RRP7A: variants seen among roughly 807,000 people sequenced by gnomAD.
The protein encoded by RRP7A is ribosomal RNA processing 7 homolog A.
In RRP7A, 27 loss-of-function variants were observed where a neutral mutation model predicts 38.4. The observed-to-expected ratio is 0.70, with a 90% CI of 0.52 to 0.97. The LOEUF is 0.97. Ranked by LOEUF, RRP7A falls within the 50% of genes least tolerant of loss-of-function variation. The pLI is 0.00. For missense variants in RRP7A, 327 were observed against 375.4 expected, an observed-to-expected ratio of 0.87 and a Z score of 1.07; for synonymous variants, 124 against 150.3, an observed-to-expected ratio of 0.83 and a Z score of 1.28.
At chr22:42,514,333 T>C (rs759713277) in intron 5 of RRP7A, 29 bp from the exon 6 acceptor site, 3 of 1,492,658 alleles carry the variant, frequency 2.0e-6, no homozygotes, top group African/African-American at 1.4e-5. Context: ...CATCCTCCGG[T>C]GGGACCTCCT....
At chr22:42,516,830 C>T (rs1446405563) in intron 2 of RRP7A, among the ~76,000 whole-genome samples, 1 of 152,182 alleles carries the variant, frequency 6.6e-6, no homozygotes, top group African/African-American at 2.4e-5. Context: ...TGGGATGCAG[C>T]GAGCTGGACA....
chr22:42,509,959 G>A lies in RRP7A; in HGVS notation c.*2951C>T, dbSNP rs1932401669. On this transcript the variant is annotated 3_prime_UTR_variant, in exon 7 of 7. Coordinates refer to ENST00000323013, the MANE Select transcript of RRP7A (RefSeq NM_015703.5). ...TCAATGTATTAAAAACCACGGGATTGTAGACTTTTTTTTTTTTTTTTTTGA... is the reference window on the plus strand; with the variant it reads ...TCAATGTATTAAAAACCACGGGATTATAGACTTTTTTTTTTTTTTTTTTGA... 7.4e-6 allele frequency: 1 copy of A among 134,646 alleles called. No homozygotes were observed. Among genetic ancestry groups the A allele is most frequent in the Non-Finnish European group, 1.5e-5 (1 of 64,872 alleles). 8.3% of individuals were successfully genotyped at this position (134,646 alleles called of 1,614,324 possible). A position where few individuals can be genotyped will look rare whatever the true frequency, so the allele number is the denominator to read the frequency against.
chr22:42,514,622 G>A (rs1422031275), intron 5 of RRP7A, 60 bp downstream of exon 5: 11 of 1,434,062 alleles, frequency 7.7e-6, no homozygotes, highest in South Asian at 2.4e-5. Flanking sequence ...CCTCTGGGGC[G>A]CCACCTTCCC....
rs1287024030 is a variant in RRP7A at position 42,514,003 on chromosome 22, G to C, written c.757+103C>G. On this transcript the variant is annotated intron_variant, in intron 6 of 6. Coordinates refer to ENST00000323013, the MANE Select transcript of RRP7A (RefSeq NM_015703.5). ...GTGCTTAGGGACGCCCTCCCTCCTCGACCACCAAGTCCAGCGCCCGCCCTC... is the reference window on the plus strand; with the variant it reads ...GTGCTTAGGGACGCCCTCCCTCCTCCACCACCAAGTCCAGCGCCCGCCCTC... The C allele has an allele frequency of 6.9e-6, 7 of 1,013,874 alleles. No individual in the cohort carries two copies. In the East Asian group the frequency reaches 1.8e-4, roughly 26 times the overall value. 62.8% of individuals were successfully genotyped at this position (1,013,874 alleles called of 1,614,324 possible).
In RRP7A at chr22:42,519,748, C is replaced by G. The variant is rs1265781588; in HGVS notation, c.39G>C (p.Pro13=). ...CCAGTGGGCTGGGGATACGGTCCTC[C>G]GGGTCCCGCGCGGCGCACTTCCTCC... ...ARRRKCAARD[P]EDRIPSPLGY... is the part of the protein sequence containing the mutation. Residue 13 remains proline, a synonymous_variant, in exon 1 of 7, where the codon CCG becomes CCC. Coordinates refer to ENST00000323013, the MANE Select transcript of RRP7A (RefSeq NM_015703.5). 6.9e-7 allele frequency: 1 copy of G among 1,455,926 alleles called. No homozygotes were observed. Among genetic ancestry groups the G allele is most frequent in the South Asian group, 1.3e-5 (1 of 75,566 alleles). The allele number at this position is 1,455,926 out of a possible 1,614,324, so 90.2% of individuals were successfully genotyped here. A position where few individuals can be genotyped will look rare whatever the true frequency, so the allele number is the denominator to read the frequency against.
intron 1 of RRP7A, among the ~76,000 whole-genome samples, chr22:42,518,416 C>G (rs1237610172): frequency 9.9e-5 from 15 of 151,472 alleles, no homozygotes; most frequent in Admixed American, 9.2e-4. Flanking sequence ...GAGGGAAGCT[C>G]GAACCCTGCG....
rs1833644566 is a variant in RRP7A, at chr22:42,512,788, G to A, written c.*122C>T. ...TGTGTGGACTCTGATGGGGCTGTTGGACGCGGTGGCCTTCAACCTGGGGCC... is the reference window on the plus strand; with the variant it reads ...TGTGTGGACTCTGATGGGGCTGTTGAACGCGGTGGCCTTCAACCTGGGGCC... On this transcript the variant is annotated 3_prime_UTR_variant, in exon 7 of 7. Transcript: ENST00000323013. The A allele has an allele frequency of 6.2e-6, 6 of 972,180 alleles. No individual in the cohort carries two copies. In the Admixed American group the frequency reaches 1.2e-4, roughly 20 times the overall value. 60.2% of individuals were successfully genotyped at this position (972,180 alleles called of 1,614,324 possible).
At position 42,514,126 on chromosome 22, in the gene RRP7A, T is replaced by G; in HGVS notation, c.737A>C (p.His246Pro). The change falls in exon 6 of 7, where the codon CAT (histidine) becomes CCT (proline). Residue 246 changes from histidine to proline, a missense_variant. By Grantham distance (77) the His-to-Pro change is moderately conservative. Coordinates refer to ENST00000323013, the MANE Select transcript of RRP7A (RefSeq NM_015703.5). ...CTTACGCTCCATCTTGCTCTCTCGA[T>G]GCTGCCAGGCGTAGAAGTTGAGCAG... ...KELLNFYAWQ[H>P]RESKMEHLAQ... 2 of 1,613,290 alleles carry G rather than the reference T, an allele frequency of 1.2e-6. No homozygotes were observed.
In RRP7A at chr22:42,509,435, C is replaced by T. The variant is rs1415268854; in HGVS notation, c.*3475G>A. On this transcript the variant is annotated 3_prime_UTR_variant, in exon 7 of 7. Transcript: ENST00000323013. Reference sequence around the variant, plus strand: ...GCAACCTCTGCCTCCTGGATTCAAACGATTCTCCTGCCTCAGCCTCCCGAG... The same window carrying T: ...GCAACCTCTGCCTCCTGGATTCAAATGATTCTCCTGCCTCAGCCTCCCGAG... Among the ~76,000 whole-genome samples the T allele has an allele frequency of 3.3e-5, 5 of 150,780 alleles. No individual in the cohort carries two copies. Among genetic ancestry groups the T allele is most frequent in the South Asian group, 2.1e-4 (1 of 4,814 alleles).
chr22:42,510,119 C>G lies in RRP7A; in HGVS notation c.*2791G>C, dbSNP rs1601802624. ...AGCTGGGACTACAGGCACCCACCACCAAGCCCGGCTAATTTTTGTATTTTT... is the reference window on the plus strand; with the variant it reads ...AGCTGGGACTACAGGCACCCACCACGAAGCCCGGCTAATTTTTGTATTTTT... On this transcript the variant is annotated 3_prime_UTR_variant, in exon 7 of 7. Coordinates refer to ENST00000323013, the MANE Select transcript of RRP7A (RefSeq NM_015703.5). The G allele has an allele frequency of 6.6e-6, 1 of 152,270 alleles. No homozygotes were observed. The allele number at this position is 152,270 out of a possible 1,614,324, so 9.4% of individuals were successfully genotyped here.
Position 42,512,638 on chromosome 22 carries a change from G to T in RRP7A, c.*272C>A, listed in dbSNP as rs1365930574. The stretch of plus-strand genomic sequence containing the variant: ...GGAAGCACAGAACGGATTCATCCAG[G>T]GTCCTGGAGAGGAGGGTGTGGAGGC... On this transcript the variant is annotated 3_prime_UTR_variant, in exon 7 of 7. Transcript: ENST00000323013. The T allele has an allele frequency of 5.2e-6, 3 of 581,344 alleles. No homozygotes were observed. Among genetic ancestry groups the T allele is most frequent in the Non-Finnish European group, 9.2e-6 (3 of 324,712 alleles). The allele number at this position is 581,344 out of a possible 1,614,324, so 36.0% of individuals were successfully genotyped here.
In RRP7A at chr22:42,512,854, C is replaced by T; in HGVS notation, c.*56G>A. 1.3e-6 allele frequency: 2 copies of T among 1,564,236 alleles called. No individual in the cohort carries two copies. Among genetic ancestry groups the T allele is most frequent in the Non-Finnish European group, 1.8e-6 (2 of 1,141,910 alleles). On this transcript the variant is annotated 3_prime_UTR_variant, in exon 7 of 7. Transcript: ENST00000323013. ...GGCCTCTCAGAGACCGCTGCAGGCC[C>T]TGCCTCGCCTCCTCCTGGCCCTGCA...
chr22:42,512,131 T>C lies in RRP7A; in HGVS notation c.*779A>G, dbSNP rs1262240469. On this transcript the variant is annotated 3_prime_UTR_variant, in exon 7 of 7. Coordinates refer to ENST00000323013, the MANE Select transcript of RRP7A (RefSeq NM_015703.5). ...TCCCCTCTCCAGCGGTTCCAGTTTG[T>C]GGAAGTCCCAGGCAATCACTGTGTC... is the stretch of plus-strand genomic sequence containing the variant. 6 of 1,533,798 alleles carry C rather than the reference T, an allele frequency of 3.9e-6. No individual in the cohort carries two copies. The highest frequency in any genetic ancestry group is 5.4e-6 in the Non-Finnish European group (6 of 1,106,102).
In RRP7A at chr22:42,509,784, C is replaced by G. The variant is rs1932388313; in HGVS notation, c.*3126G>C. Among the ~76,000 whole-genome samples the G allele has an allele frequency of 8.2e-6, 1 of 122,290 alleles. No individual in the cohort carries two copies. Among genetic ancestry groups the G allele is most frequent in the African/African-American group, 3.0e-5 (1 of 33,030 alleles). 80.2% of individuals were successfully genotyped at this position (122,290 alleles called of 152,430 possible). On this transcript the variant is annotated 3_prime_UTR_variant, in exon 7 of 7. Transcript: ENST00000323013. ...TTCACGTTCAAGTCCAAATAGGACA[C>G]ACGGCAGAGACAAAGCCAGGTCATG...
chr22:42,519,781 C>T lies in RRP7A; in HGVS notation c.6G>A (p.Val2=), dbSNP rs1288700290. The T allele has an allele frequency of 4.9e-6, 7 of 1,440,332 alleles. No homozygotes were observed. The South Asian group carries it at 9.5e-5, about 20-fold the overall frequency. 89.2% of individuals were successfully genotyped at this position (1,440,332 alleles called of 1,614,324 possible). ...GCGCGGCGCACTTCCTCCTGCGCGC[C>T]ACCATCTTGCCACCCGGGAGCGCGG... M[V]ARRRKCAARD... is the part of the protein sequence containing the mutation. The change falls in exon 1 of 7, where the codon GTG becomes GTA. Residue 2 remains valine, a synonymous_variant. Coordinates refer to ENST00000323013, the MANE Select transcript of RRP7A (RefSeq NM_015703.5).
At chr22:42,513,514 G>A (rs1362467829) in intron 6 of RRP7A, among the ~76,000 whole-genome samples, 3 of 112,856 alleles carry the variant, frequency 2.7e-5, no homozygotes, top group East Asian at 2.4e-4. Context: ...AGGGCCTGCC[G>A]CAGAGCCCGT....
Position 42,509,057 on chromosome 22 carries a change from G to A in RRP7A, c.*3853C>T. The A allele has an allele frequency of 6.2e-7, 1 of 1,611,040 alleles. No individual in the cohort carries two copies. ...AGAACAGCATTGACTTCGTCAGCAGGGAGCTGTGTGCGCATTCCATCAGGA... is the reference window on the plus strand; with the variant it reads ...AGAACAGCATTGACTTCGTCAGCAGAGAGCTGTGTGCGCATTCCATCAGGA... On this transcript the variant is annotated 3_prime_UTR_variant, in exon 7 of 7. Coordinates refer to ENST00000323013, the MANE Select transcript of RRP7A (RefSeq NM_015703.5).
rs1268606155 is a variant in RRP7A, at chr22:42,510,902, CAT to C, written c.*2006_*2007del. 6 of 625,140 alleles carry C rather than the reference CAT, an allele frequency of 9.6e-6. No individual in the cohort carries two copies. In the African/African-American group the frequency reaches 1.2e-4, roughly 12 times the overall value. The allele number at this position is 625,140 out of a possible 1,614,324, so 38.7% of individuals were successfully genotyped here. A position where few individuals can be genotyped will look rare whatever the true frequency, so the allele number is the denominator to read the frequency against. On this transcript the variant is annotated 3_prime_UTR_variant, in exon 7 of 7. Transcript: ENST00000323013. ...ATCAGTCCCTAGAGGCCTGGGGACA[CAT>C]GTAATCAGAATTTAAGAAACAGAGA...
intron 3 of RRP7A, among the ~76,000 whole-genome samples, chr22:42,515,533 C>A (rs1227037159): frequency 1.3e-5 from 2 of 152,224 alleles, no homozygotes; most frequent in African/African-American, 4.8e-5. Flanking sequence ...CTTCCAGTCA[C>A]GGGAGGGATG....
Sources: allele counts gnomAD v4.1 joint callset (sites outside exome capture counted in the v4.1 genomes callset), GRCh38; gene constraint gnomAD v4.1.1; transcripts MANE v1.5; gene names NCBI Gene and HGNC (gene_info 2026-07-23, HGNC 2026-07-21).